H1-0: variants seen among roughly 807,000 people sequenced by gnomAD.
The protein encoded by H1-0 is H1.0 linker histone.
H1-0 carries 5 observed loss-of-function variants against 8.8 expected under a neutral mutation model. That is an observed-to-expected ratio of 0.57 (90% confidence interval 0.30 to 1.19). The LOEUF (loss-of-function observed/expected upper bound fraction) is 1.19. Among genes scored for constraint, H1-0 ranks in the 50% most tolerant of loss-of-function variants. H1-0 has a pLI of 0.08. For missense variants in H1-0, 231 were observed against 242.0 expected (o/e 0.95, Z 0.30); for synonymous variants, 143 against 101.4 (o/e 1.41, Z -2.46).
Position 37,805,709 on chromosome 22 carries a change from G to C in H1-0, c.165G>C (p.Lys55Asn). The C allele has an allele frequency of 6.2e-7, 1 of 1,614,132 alleles. No homozygotes were observed. The highest frequency in any genetic ancestry group is 2.2e-5 in the East Asian group (1 of 44,880). ...SSRQSIQKYI[K>N]SHYKVGENAD... ...GCCAGTCCATTCAGAAGTATATCAA[G>C]AGCCACTACAAGGTGGGTGAGAACG... The change falls in exon 1 of 1, where the codon AAG (lysine) becomes AAC (asparagine). Residue 55 changes from lysine (K) to asparagine (N), a missense_variant. By Grantham distance (94) the Lys-to-Asn change is moderately conservative. Coordinates refer to ENST00000340857, the MANE Select transcript of H1-0 (RefSeq NM_005318.4).
Position 37,805,777 on chromosome 22 carries a change from C to G in H1-0, c.233C>G (p.Thr78Ser). 6.2e-7 allele frequency: 1 copy of G among 1,613,930 alleles called. No homozygotes were observed. Among genetic ancestry groups the G allele is most frequent in the Non-Finnish European group, 8.5e-7 (1 of 1,179,874 alleles). Residue 78 changes from threonine (T) to serine (S), a missense_variant, in exon 1 of 1, where the codon ACC (threonine) becomes AGC (serine). Thr to Ser is a moderately conservative substitution (Grantham distance 58). Coordinates refer to ENST00000340857, the MANE Select transcript of H1-0 (RefSeq NM_005318.4). Reference sequence around the variant, plus strand: ...TTGTCCATCAAGCGCCTGGTCACCACCGGTGTCCTCAAGCAGACCAAAGGG... The same window carrying G: ...TTGTCCATCAAGCGCCTGGTCACCAGCGGTGTCCTCAAGCAGACCAAAGGG... Reference protein sequence around the residue: ...IKLSIKRLVTTGVLKQTKGVG... With the variant: ...IKLSIKRLVTSGVLKQTKGVG...
chr22:37,807,084 T>TA lies in H1-0; in HGVS notation c.*956dup, dbSNP rs1295700317. 1.2e-5 allele frequency: 2 copies of TA among 166,598 alleles called. No homozygotes were observed. Among genetic ancestry groups the TA allele is most frequent in the African/African-American group, 4.8e-5 (2 of 41,280 alleles). 10.3% of individuals were successfully genotyped at this position (166,598 alleles called of 1,614,324 possible). On this transcript the variant is annotated 3_prime_UTR_variant, in exon 1 of 1. Coordinates refer to ENST00000340857, the MANE Select transcript of H1-0 (RefSeq NM_005318.4). ...CCCGATCTCTTTTTGAGTCCTTTATTATAAGTAGTTGTAGCTGCGGGAGGG... is the reference window on the plus strand; with the variant it reads ...CCCGATCTCTTTTTGAGTCCTTTATTAATAAGTAGTTGTAGCTGCGGGAGGG...
chr22:37,806,081 GAAA>G lies in H1-0; in HGVS notation c.538_540del (p.Lys180del). The G allele has an allele frequency of 6.2e-7, 1 of 1,613,998 alleles. No individual in the cohort carries two copies. Among genetic ancestry groups the G allele is most frequent in the Non-Finnish European group, 8.5e-7 (1 of 1,179,966 alleles). On this transcript the variant is annotated inframe_deletion, in exon 1 of 1. Coordinates refer to ENST00000340857, the MANE Select transcript of H1-0 (RefSeq NM_005318.4). ...CCAAGCCCAAAAAGGCCAAACCAGTGAAACCCAAAGCAAAGTCCAGTGCCAAGA... is the reference window on the plus strand; with the variant it reads ...CCAAGCCCAAAAAGGCCAAACCAGTGCCCAAAGCAAAGTCCAGTGCCAAGA...
In H1-0 at chr22:37,805,288, A is replaced by AGAGGCAGAGCCC; in HGVS notation, c.-254_-253insGCAGAGCCCGAG. 1.2e-4 allele frequency: 1 copy of AGAGGCAGAGCCC among 8,196 alleles called. No homozygotes were observed. Among genetic ancestry groups the AGAGGCAGAGCCC allele is most frequent in the Non-Finnish European group, 3.0e-4 (1 of 3,290 alleles). 0.5% of individuals were successfully genotyped at this position (8,196 alleles called of 1,614,324 possible). A position where few individuals can be genotyped will look rare whatever the true frequency, so the allele number is the denominator to read the frequency against. ...CGGAGGCAGAGGCAGAGGCAGAGGC[A>AGAGGCAGAGCCC]GAGCCCGAGCCCGGTGCCGAGACCA... On this transcript the variant is annotated 5_prime_UTR_variant, in exon 1 of 1. Coordinates refer to ENST00000340857, the MANE Select transcript of H1-0 (RefSeq NM_005318.4).
chr22:37,806,079 G>T lies in H1-0; in HGVS notation c.535G>T (p.Val179Leu). The T allele has an allele frequency of 6.2e-7, 1 of 1,613,940 alleles. No individual in the cohort carries two copies. Among genetic ancestry groups the T allele is most frequent in the South Asian group, 1.1e-5 (1 of 91,048 alleles). The stretch of plus-strand genomic sequence containing the variant: ...ATCCAAGCCCAAAAAGGCCAAACCA[G>T]TGAAACCCAAAGCAAAGTCCAGTGC... ...KASKPKKAKP[V>L]KPKAKSSAKR... Residue 179 changes from valine to leucine, a missense_variant, in exon 1 of 1, where the codon GTG (valine) becomes TTG (leucine). Coordinates refer to ENST00000340857, the MANE Select transcript of H1-0 (RefSeq NM_005318.4).
At position 37,805,989 on chromosome 22, in the gene H1-0, A is replaced by C. The variant is rs1207094993; in HGVS notation, c.445A>C (p.Lys149Gln). 11 of 1,614,010 alleles carry C rather than the reference A, an allele frequency of 6.8e-6. No individual in the cohort carries two copies. The highest frequency in any genetic ancestry group is 9.3e-6 in the Non-Finnish European group (11 of 1,180,038). The change falls in exon 1 of 1, where the codon AAG becomes CAG. Residue 149 changes from lysine (K) to glutamine (Q), a missense_variant. Lys to Gln is a moderately conservative substitution (Grantham distance 53). Coordinates refer to ENST00000340857, the MANE Select transcript of H1-0 (RefSeq NM_005318.4). ...CACCCCGGTCAAGAAGGCCAAGAAG[A>C]AGCTGGCTGCCACGCCCAAGAAAGC... ...KATPVKKAKK[K>Q]LAATPKKAKK...
chr22:37,805,304 G>T lies in H1-0; in HGVS notation c.-241G>T. ...GGCAGAGGCAGAGCCCGAGCCCGGT[G>T]CCGAGACCAAGCGACAGACCGGCGG... On this transcript the variant is annotated 5_prime_UTR_variant, in exon 1 of 1. Coordinates refer to ENST00000340857, the MANE Select transcript of H1-0 (RefSeq NM_005318.4). 1 of 521,082 alleles carries T rather than the reference G, an allele frequency of 1.9e-6. No homozygotes were observed. Among genetic ancestry groups the T allele is most frequent in the Middle Eastern group, 5.1e-4 (1 of 1,970 alleles). 32.3% of individuals were successfully genotyped at this position (521,082 alleles called of 1,614,324 possible). A position where few individuals can be genotyped will look rare whatever the true frequency, so the allele number is the denominator to read the frequency against.
chr22:37,806,239 C>G lies in H1-0; in HGVS notation c.*110C>G, dbSNP rs1302796397. The G allele has an allele frequency of 1.3e-6, 1 of 791,978 alleles. No individual in the cohort carries two copies. Among genetic ancestry groups the G allele is most frequent in the Non-Finnish European group, 2.0e-6 (1 of 497,308 alleles). The allele number at this position is 791,978 out of a possible 1,614,324, so 49.1% of individuals were successfully genotyped here. On this transcript the variant is annotated 3_prime_UTR_variant, in exon 1 of 1. Coordinates refer to ENST00000340857, the MANE Select transcript of H1-0 (RefSeq NM_005318.4). The stretch of plus-strand genomic sequence containing the variant: ...CCACCACCTTTTGCCCCCTTCTGTT[C>G]TGACTTTATAAGAGACAGGATTTGG...
At position 37,806,402 on chromosome 22, in the gene H1-0, G is replaced by C. The variant is rs564670907; in HGVS notation, c.*273G>C. The C allele has an allele frequency of 1.4e-5, 6 of 435,262 alleles. No individual in the cohort carries two copies. The South Asian group carries it at 1.8e-4, about 13-fold the overall frequency. 27.0% of individuals were successfully genotyped at this position (435,262 alleles called of 1,614,324 possible). ...TTACGGGGTTAGGGATTTGCGGGGG[G>C]GGCTTGTGTGTTTTGTTGGCTTGTT... On this transcript the variant is annotated 3_prime_UTR_variant, in exon 1 of 1. Coordinates refer to ENST00000340857, the MANE Select transcript of H1-0 (RefSeq NM_005318.4).
chr22:37,805,381 G>A lies in H1-0; in HGVS notation c.-164G>A. On this transcript the variant is annotated 5_prime_UTR_variant, in exon 1 of 1. Transcript: ENST00000340857. Reference sequence around the variant, plus strand: ...CGAGCTCTCCCGACACCCGAGCCGGGGAGGAAAAGCAGCGACTCCTCGCTC... The same window carrying A: ...CGAGCTCTCCCGACACCCGAGCCGGAGAGGAAAAGCAGCGACTCCTCGCTC... The A allele has an allele frequency of 1.7e-6, 1 of 582,482 alleles. No homozygotes were observed. Among genetic ancestry groups the A allele is most frequent in the Non-Finnish European group, 3.0e-6 (1 of 332,232 alleles). 36.1% of individuals were successfully genotyped at this position (582,482 alleles called of 1,614,324 possible).
rs1026046345 is a variant in H1-0, at chr22:37,805,950, A to G, written c.406A>G (p.Lys136Glu). The G allele has an allele frequency of 5.0e-6, 8 of 1,613,950 alleles. No individual in the cohort carries two copies. In the Admixed American group the frequency reaches 1.3e-4, roughly 27 times the overall value. The change falls in exon 1 of 1, where the codon AAG becomes GAG. Residue 136 changes from lysine (K) to glutamate (E), a missense_variant. Lys to Glu is a moderately conservative substitution (Grantham distance 56). Coordinates refer to ENST00000340857, the MANE Select transcript of H1-0 (RefSeq NM_005318.4). Reference sequence around the variant, plus strand: ...GAAGGCTGCCTCCAAAGCCCCAACCAAGAAACCCAAAGCCACCCCGGTCAA... The same window carrying G: ...GAAGGCTGCCTCCAAAGCCCCAACCGAGAAACCCAAAGCCACCCCGGTCAA... ...PKKAASKAPT[K>E]KPKATPVKKA...
rs983213776 is a variant in H1-0, at chr22:37,805,274, G to A, written c.-271G>A. On this transcript the variant is annotated 5_prime_UTR_variant, in exon 1 of 1. Coordinates refer to ENST00000340857, the MANE Select transcript of H1-0 (RefSeq NM_005318.4). ...GGAGGCAGAGGAGGCGGAGGCAGAG[G>A]CAGAGGCAGAGGCAGAGCCCGAGCC... 3.0e-6 allele frequency: 1 copy of A among 334,658 alleles called. No individual in the cohort carries two copies. The highest frequency in any genetic ancestry group is 4.9e-6 in the Non-Finnish European group (1 of 203,634). 20.7% of individuals were successfully genotyped at this position (334,658 alleles called of 1,614,324 possible).
In H1-0 at chr22:37,805,949, C is replaced by T; in HGVS notation, c.405C>T (p.Thr135=). The T allele has an allele frequency of 6.2e-7, 1 of 1,614,002 alleles. No homozygotes were observed. The highest frequency in any genetic ancestry group is 8.5e-7 in the Non-Finnish European group (1 of 1,180,020). Reference sequence around the variant, plus strand: ...AGAAGGCTGCCTCCAAAGCCCCAACCAAGAAACCCAAAGCCACCCCGGTCA... The same window carrying T: ...AGAAGGCTGCCTCCAAAGCCCCAACTAAGAAACCCAAAGCCACCCCGGTCA... The part of the protein sequence containing the change: ...KPKKAASKAP[T]KKPKATPVKK... The change falls in exon 1 of 1, where the codon ACC becomes ACT. Residue 135 remains threonine, a synonymous_variant. Transcript: ENST00000340857.
Position 37,805,973 on chromosome 22 carries a change from CAAG to C in H1-0, c.433_435del (p.Lys145del), listed in dbSNP as rs926913197. 6.2e-7 allele frequency: 1 copy of C among 1,613,960 alleles called. No individual in the cohort carries two copies. The highest frequency in any genetic ancestry group is 8.5e-7 in the Non-Finnish European group (1 of 1,180,044). On this transcript the variant is annotated inframe_deletion, in exon 1 of 1. Coordinates refer to ENST00000340857, the MANE Select transcript of H1-0 (RefSeq NM_005318.4). Reference sequence around the variant, plus strand: ...CCAAGAAACCCAAAGCCACCCCGGTCAAGAAGGCCAAGAAGAAGCTGGCTGCCA... The same window carrying C: ...CCAAGAAACCCAAAGCCACCCCGGTCAAGGCCAAGAAGAAGCTGGCTGCCA...
Position 37,805,254 on chromosome 22 carries a change from C to CT in H1-0, c.-291_-290insT, listed in dbSNP as rs1920973612. ...AGACGCGGAGCTGGGAAAAGGGAGGCAGAGGAGGCGGAGGCAGAGGCAGAG... is the reference window on the plus strand; with the variant it reads ...AGACGCGGAGCTGGGAAAAGGGAGGCTAGAGGAGGCGGAGGCAGAGGCAGAG... On this transcript the variant is annotated 5_prime_UTR_variant, in exon 1 of 1. Coordinates refer to ENST00000340857, the MANE Select transcript of H1-0 (RefSeq NM_005318.4). 3 of 422,148 alleles carry CT rather than the reference C, an allele frequency of 7.1e-6. No homozygotes were observed. The East Asian group carries it at 1.3e-4, about 18-fold the overall frequency. 26.2% of individuals were successfully genotyped at this position (422,148 alleles called of 1,614,324 possible).
Position 37,806,340 on chromosome 22 carries a change from G to A in H1-0, c.*211G>A. 1.7e-6 allele frequency: 1 copy of A among 586,330 alleles called. No individual in the cohort carries two copies. Among genetic ancestry groups the A allele is most frequent in the Non-Finnish European group, 3.1e-6 (1 of 324,936 alleles). 36.3% of individuals were successfully genotyped at this position (586,330 alleles called of 1,614,324 possible). On this transcript the variant is annotated 3_prime_UTR_variant, in exon 1 of 1. Transcript: ENST00000340857. ...GGACAGCAACAACCAATCTAATGAT[G>A]AGAATGTACTTATATTTTGTTTTGC...
At position 37,805,249 on chromosome 22, in the gene H1-0, G is replaced by A. The variant is rs192306490; in HGVS notation, c.-296G>A. 122 of 410,312 alleles carry A rather than the reference G, an allele frequency of 3.0e-4. No homozygotes were observed. In the Middle Eastern group the frequency reaches 3.7e-3, roughly 13 times the overall value. The allele number at this position is 410,312 out of a possible 1,614,324, so 25.4% of individuals were successfully genotyped here. Reference sequence around the variant, plus strand: ...GCGCCAGACGCGGAGCTGGGAAAAGGGAGGCAGAGGAGGCGGAGGCAGAGG... The same window carrying A: ...GCGCCAGACGCGGAGCTGGGAAAAGAGAGGCAGAGGAGGCGGAGGCAGAGG... On this transcript the variant is annotated 5_prime_UTR_variant, in exon 1 of 1. Coordinates refer to ENST00000340857, the MANE Select transcript of H1-0 (RefSeq NM_005318.4).
rs1045505089 is a variant in H1-0, at chr22:37,805,397, C to T, written c.-148C>T. 4 of 601,162 alleles carry T rather than the reference C, an allele frequency of 6.7e-6. No homozygotes were observed. In the East Asian group the frequency reaches 8.8e-5, roughly 13 times the overall value. 37.2% of individuals were successfully genotyped at this position (601,162 alleles called of 1,614,324 possible). A position where few individuals can be genotyped will look rare whatever the true frequency, so the allele number is the denominator to read the frequency against. On this transcript the variant is annotated 5_prime_UTR_variant, in exon 1 of 1. Coordinates refer to ENST00000340857, the MANE Select transcript of H1-0 (RefSeq NM_005318.4). ...CCGAGCCGGGGAGGAAAAGCAGCGA[C>T]TCCTCGCTCGCATCCCCGGGAGCCG...
rs992368861 is a variant in H1-0 at position 37,806,465 on chromosome 22, G to A, written c.*336G>A. 2.5e-5 allele frequency: 8 copies of A among 317,338 alleles called. No individual in the cohort carries two copies. Among genetic ancestry groups the A allele is most frequent in the Non-Finnish European group, 4.3e-5 (7 of 161,362 alleles). 19.7% of individuals were successfully genotyped at this position (317,338 alleles called of 1,614,324 possible). On this transcript the variant is annotated 3_prime_UTR_variant, in exon 1 of 1. Transcript: ENST00000340857. ...AGATGTGGGTGGGGAGAAGACACAA[G>A]GCAGTTTGTTCTGGCTAGATGAGAG...
Sources: gnomAD v4.1 joint callset for allele counts on GRCh38, gnomAD v4.1.1 for gene constraint, MANE v1.5 for transcripts, NCBI Gene and HGNC (gene_info 2026-07-23, HGNC 2026-07-21) for gene names.